The following SUPV3L1 variants were observed in gnomAD, a reference collection of about 807,000 sequenced individuals.
SUPV3L1 encodes the protein ATP-dependent RNA helicase SUPV3L1, mitochondrial.
Under a neutral mutation model 70.0 loss-of-function variants are expected in SUPV3L1, and 35 were observed. The observed-to-expected ratio is 0.50, with a 90% CI of 0.38 to 0.66. SUPV3L1 has a LOEUF of 0.66. Among genes scored for constraint, SUPV3L1 ranks in the 30% least tolerant of loss-of-function variants. The pLI is 0.00. For missense variants in SUPV3L1, 777 were observed against 961.5 expected (o/e 0.81, Z 2.54); for synonymous variants, 364 against 341.9 (o/e 1.06, Z -0.71).
intron 14 of SUPV3L1, 50 bp from the exon 15 acceptor site, chr10:69,208,550 G>T: frequency 6.4e-7 from 1 of 1,556,786 alleles, no homozygotes. Context: ...GAGTTGTCCA[G>T]TGACTGCGAT....
intron 11 of SUPV3L1, 69 bp downstream of exon 11, chr10:69,200,568 A>G (rs1842659484): frequency 2.3e-6 from 3 of 1,323,946 alleles, no homozygotes; most frequent in Non-Finnish European, 2.1e-6. Context: ...CCCACCATCC[A>G]GACTCTCACC....
At position 69,200,494 on chromosome 10, in the gene SUPV3L1, A is replaced by G. The variant is rs772047938; in HGVS notation, c.1513A>G (p.Ile505Val). ...KEILKRPVDP[I>V]RAAGLHPTAE... ...AATTTTGAAGAGGCCTGTGGATCCT[A>G]TAAGGGTAAGAGGTAACATGTTAAC... The change falls in exon 11 of 15, where the codon ATA becomes GTA. Residue 505 changes from isoleucine to valine, a missense_variant. Around this residue, in one of 2 missense-constraint regions of SUPV3L1, gnomAD observed 619 missense variants for 823.3 expected, o/e 0.75. Transcript: ENST00000359655. The G allele has an allele frequency of 7.4e-6, 12 of 1,612,728 alleles. No individual in the cohort carries two copies. The highest frequency in any genetic ancestry group is 3.3e-5 in the South Asian group (3 of 91,044).
intron 9 of SUPV3L1, 25 bp from the exon 10 acceptor site, chr10:69,199,079 T>G (rs763299872): frequency 3.2e-6 from 5 of 1,578,914 alleles, no homozygotes; most frequent in Non-Finnish European, 4.3e-6. Flanking sequence ...GAACACTGAT[T>G]TAACATAAAT....
rs2132258017 is a variant in SUPV3L1, at chr10:69,180,557, A to G, written c.266A>G (p.Asp89Gly). ...DVGAELTRPL[D>G]KNEVKKVLDK... ...GGGGCCGAGCTAACCCGGCCTCTGG[A>G]CAAGAGTGAGTGCGGGAACTACTGA... The change falls in exon 1 of 15, where the codon GAC becomes GGC. Residue 89 changes from aspartate (D) to glycine (G), a missense_variant. Asp to Gly is a moderately conservative substitution (Grantham distance 94). Around this residue, in one of 2 missense-constraint regions of SUPV3L1, gnomAD observed 158 missense variants for 138.3 expected, o/e 1.14. Coordinates refer to ENST00000359655, the MANE Select transcript of SUPV3L1 (RefSeq NM_003171.5). The G allele has an allele frequency of 6.2e-7, 1 of 1,613,842 alleles. No individual in the cohort carries two copies. Among genetic ancestry groups the G allele is most frequent in the East Asian group, 2.2e-5 (1 of 44,882 alleles).
At chr10:69,203,292 A>G (rs1842732831) in intron 13 of SUPV3L1, among the ~76,000 whole-genome samples, 1 of 152,146 alleles carries the variant, frequency 6.6e-6, no homozygotes, top group African/African-American at 2.4e-5. Flanking sequence ...TCATTTGGGT[A>G]GGGATGCAAA....
intron 9 of SUPV3L1, 121 bp downstream of exon 9, chr10:69,198,673 T>A (rs1428704197): frequency 1.2e-6 from 1 of 868,572 alleles, no homozygotes; most frequent in African/African-American, 1.8e-5. Flanking sequence ...ATTGGTAATT[T>A]GTTAAACGTC....
At chr10:69,202,550 TA>T in intron 12 of SUPV3L1, 31 bp downstream of exon 12, 3 of 1,590,988 alleles carry the variant, frequency 1.9e-6, no homozygotes, top group Non-Finnish European at 2.6e-6. Context: ...ACATCTCCCC[TA>T]AAAATGTTGA....
At chr10:69,199,043 C>G in intron 9 of SUPV3L1, 61 bp from the exon 10 acceptor site, 1 of 1,321,768 alleles carries the variant, frequency 7.6e-7, no homozygotes, top group Non-Finnish European at 1.1e-6. Flanking sequence ...CCAAGATGTA[C>G]TTAGCTTGAT....
Position 69,191,641 on chromosome 10 carries a change from TTCTG to T in SUPV3L1, c.742-10_742-7del, listed in dbSNP as rs577371289. ...TTATTTTCAATAATTCTAGTTTTTTTTCTGTCTTTCTAGGGTGTGCCATGTGACT... is the reference window on the plus strand; with the variant it reads ...TTATTTTCAATAATTCTAGTTTTTTTTCTTTCTAGGGTGTGCCATGTGACT... On this transcript the variant is annotated splice_polypyrimidine_tract_variant and intron_variant, in intron 5 of 14. Transcript: ENST00000359655. 9.3e-3 allele frequency: 14,939 copies of T among 1,608,378 alleles called. 106 individuals are homozygous for T. The highest frequency in any genetic ancestry group is 0.012 in the Non-Finnish European group (13,981 of 1,176,366).
intron 6 of SUPV3L1, chr10:69,192,654 T>A (rs1453046112): frequency 6.6e-6 from 1 of 152,212 alleles, no homozygotes; most frequent in Non-Finnish European, 1.5e-5. Context: ...ATTTAGGTTG[T>A]TTAAAGTTTT....
intron 1 of SUPV3L1, chr10:69,182,485 G>GATAAAATTGAATATTTATCAA: frequency 3.1e-6 from 3 of 980,230 alleles, no homozygotes; most frequent in Non-Finnish European, 3.6e-6. Flanking sequence ...TTGCCTTATT[G>GATAAAATTGAATATTTATCAA]TATTCAAATA....
intron 13 of SUPV3L1, among the ~76,000 whole-genome samples, 190 bp from the exon 14 acceptor site, chr10:69,207,603 A>T (rs1219960371): frequency 6.6e-6 from 1 of 152,210 alleles, no homozygotes; most frequent in Non-Finnish European, 1.5e-5. Flanking sequence ...GACGTGAGCC[A>T]CTGTACCTGG....
intron 2 of SUPV3L1, 25 bp from the exon 3 acceptor site, chr10:69,186,418 A>G (rs760256670): frequency 1.3e-6 from 2 of 1,554,564 alleles, no homozygotes; most frequent in Non-Finnish European, 1.8e-6. Context: ...TACACCTTAC[A>G]TCTTTTCATT....
At chr10:69,181,505 C>A (rs1270110071) in intron 1 of SUPV3L1, among the ~76,000 whole-genome samples, 152 of 152,208 alleles carry the variant, frequency 1.0e-3, no homozygotes, top group Non-Finnish European at 1.6e-4. Flanking sequence ...ACATATTCTT[C>A]CAGTGTTAAG....
At chr10:69,198,639 A>T (rs757144858) in intron 9 of SUPV3L1, 87 bp downstream of exon 9, 1 of 1,313,770 alleles carries the variant, frequency 7.6e-7, no homozygotes, top group Non-Finnish European at 1.1e-6. Flanking sequence ...ATGGTAAACA[A>T]TATTGAATTA....
At chr10:69,208,073 A>C in intron 14 of SUPV3L1, 132 bp downstream of exon 14, 1 of 1,165,010 alleles carries the variant, frequency 8.6e-7, no homozygotes, top group Non-Finnish European at 1.2e-6. Flanking sequence ...TTGTCCATAA[A>C]GGCAATTCAA....
intron 10 of SUPV3L1, 96 bp downstream of exon 10, chr10:69,199,293 T>C: frequency 1.1e-6 from 1 of 877,816 alleles, no homozygotes. Flanking sequence ...GACCAAACGC[T>C]ATGATTTGGG....
intron 1 of SUPV3L1, among the ~76,000 whole-genome samples, chr10:69,181,243 A>C (rs1842049338): frequency 6.6e-6 from 1 of 152,164 alleles, no homozygotes; most frequent in Non-Finnish European, 1.5e-5. Flanking sequence ...AGGCATGTGA[A>C]TGTTTTCAAG....
chr10:69,203,011 A>C lies in SUPV3L1; in HGVS notation c.1744A>C (p.Lys582Gln). 1 of 1,613,782 alleles carries C rather than the reference A, an allele frequency of 6.2e-7. No individual in the cohort carries two copies. Among genetic ancestry groups the C allele is most frequent in the Non-Finnish European group, 8.5e-7 (1 of 1,179,840 alleles). ...TTTCTGCACAGCTCCTATCAACAAG[A>C]AGCAGCCTTTTGTGTGTTCTTCACT... Reference protein sequence around the residue: ...YVFCTAPINKKQPFVCSSLLQ... With the variant: ...YVFCTAPINKQQPFVCSSLLQ... Residue 582 changes from lysine (K) to glutamine (Q), a missense_variant, in exon 13 of 15, where the codon AAG becomes CAG. Physicochemically the swap from Lys to Gln is moderately conservative, Grantham distance 53. This residue lies in a region of SUPV3L1 where 619 missense variants were observed against 823.3 expected (regional missense o/e 0.75). Coordinates refer to ENST00000359655, the MANE Select transcript of SUPV3L1 (RefSeq NM_003171.5).
Sources: allele counts gnomAD v4.1 joint callset (sites outside exome capture counted in the v4.1 genomes callset), GRCh38; gene constraint gnomAD v4.1.1; regional missense constraint gnomAD v4.1.1; transcripts MANE v1.5; gene names NCBI Gene and HGNC (gene_info 2026-07-23, HGNC 2026-07-21).